UGT1A8: variants seen among roughly 807,000 people sequenced by gnomAD.
UGT1A8 encodes the protein UDP glucuronosyltransferase family 1 member A8, also known as UDP-glucuronosyltransferase 1A8.
UGT1A8 carries 39 observed loss-of-function variants against 45.3 expected under a neutral mutation model. That is an observed-to-expected ratio of 0.86 (90% CI 0.67 to 1.12). The LOEUF (loss-of-function observed/expected upper bound fraction) is 1.12, where lower values mean the gene tolerates loss of function less well. Among genes scored for constraint, UGT1A8 ranks in the 50% most tolerant of loss-of-function variants. The pLI is 0.00. For synonymous variants in UGT1A8, 275 were observed against 249.2 expected (o/e 1.10, Z -0.97); for missense variants, 719 against 664.9 (o/e 1.08, Z -0.90).
chr2:233,638,662 A>G (rs1336628390), intron 1 of UGT1A8, among the ~76,000 whole-genome samples: 2 of 152,102 alleles, frequency 1.3e-5, no homozygotes, highest in African/African-American at 4.8e-5. Context: ...ATCTCATTAT[A>G]TTATTTTATT....
At chr2:233,630,885 T>C (rs1325684864) in intron 1 of UGT1A8, among the ~76,000 whole-genome samples, 4 of 151,320 alleles carry the variant, frequency 2.6e-5, no homozygotes, top group African/African-American at 7.3e-5. Flanking sequence ...GTGCAGAACA[T>C]GCAGGTTTGT....
intron 1 of UGT1A8, among the ~76,000 whole-genome samples, chr2:233,645,019 G>A (rs893941547): frequency 1.3e-5 from 2 of 152,120 alleles, no homozygotes; most frequent in African/African-American, 4.8e-5. Context: ...TATTGGGTTT[G>A]GGAGCAGGTA....
At chr2:233,666,525 A>C (rs991297049) in intron 1 of UGT1A8, among the ~76,000 whole-genome samples, 1 of 152,164 alleles carries the variant, frequency 6.6e-6, no homozygotes, top group Non-Finnish European at 1.5e-5. Flanking sequence ...TTTGCTCATT[A>C]AAAAACATTT....
chr2:233,693,313 AT>A, intron 1 of UGT1A8: 1 of 1,614,218 alleles, frequency 6.2e-7, no homozygotes, highest in Non-Finnish European at 8.5e-7. Context: ...CTGAGCGATC[AT>A]TCCTAACTGC....
At position 233,691,285 on chromosome 2, in the gene UGT1A8, T is replaced by C. The variant is rs866612488; in HGVS notation, c.855+72723T>C. On this transcript the variant is annotated intron_variant, in intron 1 of 4. Coordinates refer to ENST00000373450, the MANE Select transcript of UGT1A8 (RefSeq NM_019076.5). ...GCTGCCGCCCCCATGACTTTGATCA[T>C]TGTAAGCTGCCAATCCTCTTGGGAG... is the stretch of plus-strand genomic sequence containing the variant. 90 of 985,556 alleles carry C rather than the reference T, an allele frequency of 9.1e-5. No homozygotes were observed. In the Middle Eastern group the frequency reaches 2.1e-3, roughly 23 times the overall value. The allele number at this position is 985,556 out of a possible 1,614,324, so 61.1% of individuals were successfully genotyped here. A position where few individuals can be genotyped will look rare whatever the true frequency, so the allele number is the denominator to read the frequency against.
intron 1 of UGT1A8, among the ~76,000 whole-genome samples, chr2:233,674,850 A>C (rs1392217876): frequency 6.6e-6 from 1 of 152,154 alleles, no homozygotes; most frequent in Non-Finnish European, 1.5e-5. Context: ...CCAACCACAG[A>C]AGTAAATTGT....
At chr2:233,696,152 T>C (rs753392711) in intron 1 of UGT1A8, among the ~76,000 whole-genome samples, 1 of 152,196 alleles carries the variant, frequency 6.6e-6, no homozygotes, top group Non-Finnish European at 1.5e-5. Context: ...GCTGGGTATA[T>C]ATCCAAAAGA....
chr2:233,739,559 G>T (rs1322307786), intron 1 of UGT1A8, among the ~76,000 whole-genome samples: 1 of 152,224 alleles, frequency 6.6e-6, no homozygotes, highest in Non-Finnish European at 1.5e-5. Flanking sequence ...TTTAATGACT[G>T]CCCTGCCTGG....
intron 1 of UGT1A8, among the ~76,000 whole-genome samples, chr2:233,666,269 C>G (rs1163146644): frequency 6.6e-6 from 1 of 152,216 alleles, no homozygotes; most frequent in African/African-American, 2.4e-5. Context: ...GGGATCCACT[C>G]AAACACCTCC....
At chr2:233,690,783 AC>A (rs1354086409) in intron 1 of UGT1A8, 123 of 1,085,474 alleles carry the variant, frequency 1.1e-4, no homozygotes, top group Non-Finnish European at 1.4e-4. Flanking sequence ...ACATACACAC[AC>A]ACACACACAC....
chr2:233,724,353 C>T (rs2077234748), intron 1 of UGT1A8, among the ~76,000 whole-genome samples: 1 of 148,076 alleles, frequency 6.8e-6, no homozygotes, highest in African/African-American at 2.5e-5. Flanking sequence ...CCCCCCACCT[C>T]CCTCCCGGAC....
chr2:233,728,576 A>C (rs913961228), intron 1 of UGT1A8, among the ~76,000 whole-genome samples: 5 of 152,214 alleles, frequency 3.3e-5, no homozygotes, highest in African/African-American at 1.2e-4. Context: ...CCTGGTGCGA[A>C]AAACGACCAA....
At chr2:233,620,366 G>A (rs1037670110) in intron 1 of UGT1A8, among the ~76,000 whole-genome samples, 3 of 152,134 alleles carry the variant, frequency 2.0e-5, no homozygotes, top group Admixed American at 6.6e-5. Flanking sequence ...CCCATGTGTT[G>A]CCTGCACCCT....
chr2:233,739,091 C>T (rs1027086038), intron 1 of UGT1A8: 13 of 152,212 alleles, frequency 8.5e-5, no homozygotes, highest in Admixed American at 1.3e-4. Flanking sequence ...TTGGCAGCAT[C>T]GATGTGGTGT....
intron 1 of UGT1A8, among the ~76,000 whole-genome samples, chr2:233,730,727 G>T (rs768160238): frequency 6.6e-6 from 1 of 152,112 alleles, no homozygotes; most frequent in African/African-American, 2.4e-5. Context: ...ATCAAGAAAT[G>T]GCGGAAGGGG....
chr2:233,716,408 C>T (rs2076503557), intron 1 of UGT1A8, among the ~76,000 whole-genome samples: 2 of 152,112 alleles, frequency 1.3e-5, no homozygotes, highest in South Asian at 4.1e-4. Flanking sequence ...AAAGTGAAAC[C>T]CACATCTTAT....
intron 1 of UGT1A8, among the ~76,000 whole-genome samples, chr2:233,762,315 G>C (rs565893517): frequency 6.6e-6 from 1 of 152,216 alleles, no homozygotes; most frequent in Non-Finnish European, 1.5e-5. Context: ...TTAATGGGTC[G>C]AGAGTAATCC....
In UGT1A8 at chr2:233,701,509, A is replaced by G. The variant is rs371622250; in HGVS notation, c.856-65525A>G. The stretch of plus-strand genomic sequence containing the variant: ...CCAAGCGGACCTAATAGACATCTAC[A>G]GAACTCTCCACCCCAAATCAACAGA... On this transcript the variant is annotated intron_variant, in intron 1 of 4. Transcript: ENST00000373450. 2.7e-3 allele frequency among the ~76,000 whole-genome samples: 411 copies of G among 152,304 alleles called. 2 individuals are homozygous for G. The highest frequency in any genetic ancestry group is 0.027 in the South Asian group (129 of 4,822).
chr2:233,643,110 C>A (rs1437647737), intron 1 of UGT1A8, among the ~76,000 whole-genome samples: 2 of 152,222 alleles, frequency 1.3e-5, no homozygotes, highest in Non-Finnish European at 2.9e-5. Flanking sequence ...GTGATACAGC[C>A]AGCCAGACCT....
Sources: allele counts gnomAD v4.1 joint callset (sites outside exome capture counted in the v4.1 genomes callset), GRCh38; gene constraint gnomAD v4.1.1; transcripts MANE v1.5; gene names NCBI Gene and HGNC (gene_info 2026-07-23, HGNC 2026-07-21).